Variants in NR2C2 observed in about 807,000 individuals in gnomAD.
The protein encoded by NR2C2 is Nuclear hormone receptor TR4.
NR2C2 carries 6 observed loss-of-function variants against 62.9 expected under a neutral mutation model. That is an observed-to-expected ratio of 0.10 (90% CI 0.05 to 0.19). NR2C2 has a LOEUF of 0.19. NR2C2 is among the 10% of genes least tolerant of loss of function. The pLI, the probability that NR2C2 is intolerant of heterozygous loss-of-function variation, is 1.00. For missense variants in NR2C2, 479 were observed against 762.7 expected, an observed-to-expected ratio of 0.63 and a Z score of 4.38; for synonymous variants, 272 against 273.8, an observed-to-expected ratio of 0.99 and a Z score of 0.07.
chr3:14,958,372 A>G (rs2039587900), intron 1 of NR2C2, among the ~76,000 whole-genome samples: 1 of 151,622 alleles, frequency 6.6e-6, no homozygotes, highest in South Asian at 2.1e-4. Flanking sequence ...ACTCAGTATT[A>G]TACTTCTTTT....
intron 1 of NR2C2, among the ~76,000 whole-genome samples, chr3:14,974,105 C>A (rs2040132500): frequency 6.6e-6 from 1 of 152,182 alleles, no homozygotes; most frequent in African/African-American, 2.4e-5. Flanking sequence ...CCAATGCCCC[C>A]TTCCCCCACC....
At position 15,046,870 on chromosome 3, in the gene NR2C2, TAACTTTGATGTAAATTTTTAAAGCC is replaced by T. The variant is rs1056914716; in HGVS notation, c.*3866_*3890del. Reference sequence around the variant, plus strand: ...GTTATGAGGCTCTTTGAAAATGTCTTAACTTTGATGTAAATTTTTAAAGCCAACCCCTCATCAAGACAGGGTTGGT... The same window carrying T: ...GTTATGAGGCTCTTTGAAAATGTCTTAACCCCTCATCAAGACAGGGTTGGT... On this transcript the variant is annotated 3_prime_UTR_variant, in exon 14 of 14. Coordinates refer to ENST00000425241, the MANE Select transcript of NR2C2 (RefSeq NM_001291694.2). 1 of 152,648 alleles carries T rather than the reference TAACTTTGATGTAAATTTTTAAAGCC, an allele frequency of 6.6e-6. No homozygotes were observed. The highest frequency in any genetic ancestry group is 1.5e-5 in the Non-Finnish European group (1 of 68,044). The allele number at this position is 152,648 out of a possible 1,614,324, so 9.5% of individuals were successfully genotyped here. A position where few individuals can be genotyped will look rare whatever the true frequency, so the allele number is the denominator to read the frequency against.
At chr3:14,991,009 G>C (rs557475414) in intron 1 of NR2C2, among the ~76,000 whole-genome samples, 63 of 152,260 alleles carry the variant, frequency 4.1e-4, no homozygotes, top group Admixed American at 8.5e-4. Context: ...GAACCATATT[G>C]CTCTTAAATA....
intron 1 of NR2C2, among the ~76,000 whole-genome samples, chr3:14,959,914 TG>T (rs2039643933): frequency 1.3e-5 from 2 of 152,084 alleles, no homozygotes; most frequent in African/African-American, 2.4e-5. Context: ...TTCAGATCAG[TG>T]GGGAAAAGGA....
At chr3:15,032,231 G>C in intron 9 of NR2C2, 148 bp from the exon 10 acceptor site, 1 of 1,078,954 alleles carries the variant, frequency 9.3e-7, no homozygotes. Flanking sequence ...GGGAGTCCGT[G>C]CAAGCCCCCC....
intron 9 of NR2C2, among the ~76,000 whole-genome samples, chr3:15,030,982 C>T (rs1575031480): frequency 1.3e-5 from 2 of 152,164 alleles, no homozygotes; most frequent in African/African-American, 4.8e-5. Flanking sequence ...CCATTTGGTT[C>T]TGAAGGTAAC....
At chr3:14,975,916 C>G (rs767860258) in intron 1 of NR2C2, among the ~76,000 whole-genome samples, 4 of 151,852 alleles carry the variant, frequency 2.6e-5, no homozygotes, top group Non-Finnish European at 4.4e-5. Flanking sequence ...GATTTTGTTT[C>G]TTTTTTAAAA....
intron 2 of NR2C2, among the ~76,000 whole-genome samples, chr3:15,012,851 T>C (rs538491907): frequency 6.6e-6 from 1 of 152,298 alleles, no homozygotes; most frequent in South Asian, 2.1e-4. Flanking sequence ...ACAAGGACTG[T>C]GTGAAGAAGT....
intron 1 of NR2C2, among the ~76,000 whole-genome samples, chr3:14,956,613 A>G (rs536506212): frequency 3.3e-5 from 5 of 152,162 alleles, no homozygotes; most frequent in Non-Finnish European, 7.4e-5. Flanking sequence ...GCTCAATCTC[A>G]GCTCACTGCA....
chr3:14,995,668 C>CGTGTGCGTGTGT (rs2040812194), intron 1 of NR2C2, among the ~76,000 whole-genome samples: 1 of 148,526 alleles, frequency 6.7e-6, no homozygotes, highest in African/African-American at 2.5e-5. Context: ...GTTTTCATTA[C>CGTGTGCGTGTGT]GTGTGTGTGT....
intron 13 of NR2C2, among the ~76,000 whole-genome samples, chr3:15,039,677 C>CT (rs2042199592): frequency 6.6e-6 from 1 of 152,126 alleles, no homozygotes. Flanking sequence ...TGCTAGAGTA[C>CT]TTGACAGAAA....
Position 15,010,751 on chromosome 3 carries a change from T to C in NR2C2, c.73-2838T>C, listed in dbSNP as rs552837538. 9.2e-5 allele frequency among the ~76,000 whole-genome samples: 14 copies of C among 151,940 alleles called. No individual in the cohort carries two copies. The South Asian group carries it at 1.3e-3, about 14-fold the overall frequency. ...AAATTCTGAGCCTTGAGGTATGTTA[T>C]ATACTGCCACTAAGAGCTGCTGTCC... On this transcript the variant is annotated intron_variant, in intron 2 of 13. Transcript: ENST00000425241.
At chr3:14,963,623 A>T (rs889494693) in intron 1 of NR2C2, among the ~76,000 whole-genome samples, 2 of 151,968 alleles carry the variant, frequency 1.3e-5, no homozygotes, top group African/African-American at 4.8e-5. Context: ...CACCCGCCAC[A>T]CCACGCCCGG....
intron 1 of NR2C2, among the ~76,000 whole-genome samples, chr3:14,953,754 G>T (rs1340677472): frequency 6.6e-6 from 1 of 152,060 alleles, no homozygotes; most frequent in Non-Finnish European, 1.5e-5. Flanking sequence ...AATTAGCTGG[G>T]CGTGGTGGCA....
At chr3:14,956,783 C>T (rs544325392) in intron 1 of NR2C2, among the ~76,000 whole-genome samples, 2 of 152,302 alleles carry the variant, frequency 1.3e-5, no homozygotes, top group South Asian at 2.1e-4. Flanking sequence ...TCAGGTGATC[C>T]GCCTGCCTTG....
intron 13 of NR2C2, 198 bp from the exon 14 acceptor site, chr3:15,042,636 C>G (rs1031917990): frequency 5.2e-5 from 29 of 555,666 alleles, no homozygotes; most frequent in Non-Finnish European, 8.7e-5. Context: ...TCTGTACATA[C>G]ATTTTGTACT....
intron 1 of NR2C2, among the ~76,000 whole-genome samples, chr3:14,998,264 T>C (rs915415159): frequency 6.6e-6 from 1 of 152,216 alleles, no homozygotes; most frequent in Non-Finnish European, 1.5e-5. Context: ...CATGTGTTTT[T>C]CTTTGTCTTG....
intron 3 of NR2C2, 61 bp from the exon 4 acceptor site, chr3:15,016,091 C>A: frequency 1.5e-6 from 2 of 1,318,914 alleles, no homozygotes; most frequent in Non-Finnish European, 2.2e-6. Flanking sequence ...CGTGAGCCAC[C>A]GTGCCCGGCA....
At chr3:15,031,159 A>G (rs1341954584) in intron 9 of NR2C2, among the ~76,000 whole-genome samples, 5 of 152,094 alleles carry the variant, frequency 3.3e-5, no homozygotes, top group Admixed American at 6.5e-5. Flanking sequence ...TATAAAATCT[A>G]CAACAAGCAG....
Sources: allele counts gnomAD v4.1 joint callset (sites outside exome capture counted in the v4.1 genomes callset), GRCh38; gene constraint gnomAD v4.1.1; transcripts MANE v1.5; gene names NCBI Gene and HGNC (gene_info 2026-07-23, HGNC 2026-07-21).